The following PKHD1L1 variants were observed in gnomAD, a reference collection of about 807,000 sequenced individuals.
The protein encoded by PKHD1L1 is fibrocystin-L.
A neutral mutation model predicts 462.9 loss-of-function variants in PKHD1L1; 434 were observed. That is an observed-to-expected ratio of 0.94 (90% CI 0.87 to 1.02). The LOEUF is 1.02. Among genes scored for constraint, PKHD1L1 ranks in the 50% least tolerant of loss-of-function variants. The probability of loss-of-function intolerance (pLI) is 0.00; values close to 1 mark genes in which losing one functional copy is unlikely to be tolerated. For synonymous variants in PKHD1L1, 1,781 were observed against 1,750.0 expected (o/e 1.02, Z -0.44); for missense variants, 5,202 against 5,096.1 (o/e 1.02, Z -0.63).
At chr8:109,375,971 C>A (rs761398562) in intron 2 of PKHD1L1, among the ~76,000 whole-genome samples, 66 of 152,236 alleles carry the variant, frequency 4.3e-4, no homozygotes, top group Non-Finnish European at 9.1e-4. Flanking sequence ...AGGAGGCAGT[C>A]TGCCCATTCT....
At position 109,420,670 on chromosome 8, in the gene PKHD1L1, A is replaced by T. The variant is rs1814415587; in HGVS notation, c.2677A>T (p.Met893Leu). The T allele has an allele frequency of 2.5e-6, 4 of 1,585,872 alleles. No individual in the cohort carries two copies. In the South Asian group the frequency reaches 4.7e-5, roughly 19 times the overall value. The change falls in exon 23 of 78, where the codon ATG becomes TTG. Residue 893 changes from methionine (M) to leucine (L), a missense_variant. Met to Leu is a conservative substitution (Grantham distance 15, BLOSUM62 2). Coordinates refer to ENST00000378402, the MANE Select transcript of PKHD1L1 (RefSeq NM_177531.6). ...SYNCSYNIPMMAVSFGQIITH... is the reference protein window; with the variant it reads ...SYNCSYNIPMLAVSFGQIITH... Reference sequence around the variant, plus strand: ...CAATTGCAGTTACAATATACCCATGATGGCTGTGAGCTTTGGGCAGGTAAG... The same window carrying T: ...CAATTGCAGTTACAATATACCCATGTTGGCTGTGAGCTTTGGGCAGGTAAG...
intron 70 of PKHD1L1, among the ~76,000 whole-genome samples, chr8:109,508,687 TCTCAGCCTG>T (rs1819824419): frequency 6.6e-6 from 1 of 152,156 alleles, no homozygotes. Flanking sequence ...CAAGCAGTAT[TCTCAGCCTG>T]CTCATGTTTT....
Position 109,497,115 on chromosome 8 carries a change from C to T in PKHD1L1, c.10477-35C>T, listed in dbSNP as rs200847816. ...ATTGTTTATTTTCTTTTATGATTGT[C>T]CTTAGTATTATGTAACCTGCAAATT... On this transcript the variant is annotated intron_variant, in intron 64 of 77. Coordinates refer to ENST00000378402, the MANE Select transcript of PKHD1L1 (RefSeq NM_177531.6). The T allele has an allele frequency of 1.7e-4, 279 of 1,612,698 alleles. 1 individual carries two copies. The African/African-American group carries it at 2.3e-3, about 14-fold the overall frequency.
At chr8:109,416,051 A>G (rs931566324) in intron 21 of PKHD1L1, among the ~76,000 whole-genome samples, 6 of 152,098 alleles carry the variant, frequency 3.9e-5, no homozygotes, top group African/African-American at 1.4e-4. Flanking sequence ...GCAACTGTAG[A>G]CCAAGTTTAA....
intron 73 of PKHD1L1, among the ~76,000 whole-genome samples, chr8:109,520,164 G>T (rs1457321109): frequency 6.6e-6 from 1 of 152,058 alleles, no homozygotes; most frequent in Non-Finnish European, 1.5e-5. Flanking sequence ...GTTGCAACCA[G>T]ATCTCCCACG....
chr8:109,435,424 T>G, intron 29 of PKHD1L1, 70 bp downstream of exon 29: 1 of 1,507,660 alleles, frequency 6.6e-7, no homozygotes, highest in Non-Finnish European at 9.0e-7. Context: ...CTGTTTCTAG[T>G]ACAGGGTGAA....
chr8:109,408,229 C>T, intron 18 of PKHD1L1, 23 bp downstream of exon 18: 1 of 1,599,100 alleles, frequency 6.3e-7, no homozygotes, highest in Non-Finnish European at 8.5e-7. Context: ...AATGTTTCTA[C>T]CACGCATTTT....
At chr8:109,413,892 C>T (rs1056837860) in intron 21 of PKHD1L1, among the ~76,000 whole-genome samples, 1 of 151,804 alleles carries the variant, frequency 6.6e-6, no homozygotes, top group African/African-American at 2.4e-5. Flanking sequence ...AAGAGACAGG[C>T]TTATCACAAT....
chr8:109,394,318 T>C (rs945489321), intron 9 of PKHD1L1, 97 bp from the exon 10 acceptor site: 3 of 719,032 alleles, frequency 4.2e-6, no homozygotes, highest in Non-Finnish European at 6.6e-6. Flanking sequence ...CATCGTGCTC[T>C]TTTGCAGATT....
intron 38 of PKHD1L1, among the ~76,000 whole-genome samples, chr8:109,447,252 A>G (rs1222479263): frequency 2.0e-5 from 3 of 152,030 alleles, no homozygotes; most frequent in African/African-American, 7.2e-5. Context: ...AACAAACAAA[A>G]ACTTTCCTAA....
intron 70 of PKHD1L1, among the ~76,000 whole-genome samples, chr8:109,509,787 C>A (rs1234911239): frequency 6.6e-6 from 1 of 151,828 alleles, no homozygotes; most frequent in African/African-American, 2.4e-5. Context: ...AATACATGAA[C>A]TTTAGAAGTT....
Position 109,454,762 on chromosome 8 carries a change from A to G in PKHD1L1, c.6784A>G (p.Ile2262Val). The change falls in exon 45 of 78, where the codon ATT (isoleucine) becomes GTT (valine). Residue 2262 changes from isoleucine (I) to valine (V), a missense_variant. Transcript: ENST00000378402. The stretch of plus-strand genomic sequence containing the variant: ...ATCCCCATTCCAACACAAGGCTGTC[A>G]TTACCTTGCATGGTCACCTGCGATC... ...ETSPFQHKAVITLHGHLRSPE... is the reference protein window; with the variant it reads ...ETSPFQHKAVVTLHGHLRSPE... The G allele has an allele frequency of 6.2e-7, 1 of 1,613,820 alleles. No individual in the cohort carries two copies. The highest frequency in any genetic ancestry group is 8.5e-7 in the Non-Finnish European group (1 of 1,179,796).
At chr8:109,488,109 A>G (rs1437479176) in intron 59 of PKHD1L1, among the ~76,000 whole-genome samples, 1 of 152,082 alleles carries the variant, frequency 6.6e-6, no homozygotes, top group African/African-American at 2.4e-5. Flanking sequence ...CTTCTCATTT[A>G]TAATAAAGAA....
chr8:109,405,909 G>A lies in PKHD1L1; in HGVS notation c.1670-426G>A, dbSNP rs143145821. On this transcript the variant is annotated intron_variant, in intron 16 of 77. Coordinates refer to ENST00000378402, the MANE Select transcript of PKHD1L1 (RefSeq NM_177531.6). ...TTCATCATTGCACAGAAGTAAACAT[G>A]TCTTTCAATTTTTTAAATTAAATGA... Among the ~76,000 whole-genome samples, 986 of 152,168 alleles carry A rather than the reference G, an allele frequency of 6.5e-3. 7 individuals are homozygous for A. The highest frequency in any genetic ancestry group is 0.051 in the Middle Eastern group (15 of 294).
chr8:109,382,660 C>A, intron 4 of PKHD1L1, 89 bp downstream of exon 4: 2 of 910,756 alleles, frequency 2.2e-6, no homozygotes, highest in Non-Finnish European at 3.2e-6. Flanking sequence ...GTTTTATAGA[C>A]TATTTCCACA....
rs1229321436 is a variant in PKHD1L1 at position 109,388,507 on chromosome 8, G to A, written c.580G>A (p.Gly194Arg). The A allele has an allele frequency of 2.6e-6, 4 of 1,513,468 alleles. No homozygotes were observed. The highest frequency in any genetic ancestry group is 2.7e-6 in the Non-Finnish European group (3 of 1,114,502). 93.8% of individuals were successfully genotyped at this position (1,513,468 alleles called of 1,614,324 possible). Residue 194 changes from glycine (G) to arginine (R), a missense_variant, in exon 7 of 78, where the codon GGA (glycine) becomes AGA (arginine). Coordinates refer to ENST00000378402, the MANE Select transcript of PKHD1L1 (RefSeq NM_177531.6). Reference protein sequence around the residue: ...KNVRILRVYIGGMPCELLIPQ... With the variant: ...KNVRILRVYIRGMPCELLIPQ... ...AAAATATTTGTACAGAGTTTACATTGGAGGAATGCCCTGTGAGCTTCTCAT... is the reference window on the plus strand; with the variant it reads ...AAAATATTTGTACAGAGTTTACATTAGAGGAATGCCCTGTGAGCTTCTCAT...
chr8:109,480,134 C>G lies in PKHD1L1; in HGVS notation c.9322C>G (p.Leu3108Val). The change falls in exon 55 of 78, where the codon CTG becomes GTG. Residue 3108 changes from leucine (L) to valine (V), a missense_variant. Physicochemically the swap from Leu to Val is conservative, Grantham distance 32. Coordinates refer to ENST00000378402, the MANE Select transcript of PKHD1L1 (RefSeq NM_177531.6). ...EVVLNATYIS[L>V]QGGRLIGGWE... ...TGTTTTGAATGCTACCTACATATCA[C>G]TGCAGGTAAGAGTGAGGGCCTTGTA... 6.4e-7 allele frequency: 1 copy of G among 1,562,366 alleles called. No homozygotes were observed. Among genetic ancestry groups the G allele is most frequent in the Non-Finnish European group, 8.7e-7 (1 of 1,154,978 alleles).
chr8:109,371,073 C>A (rs1053540594), intron 2 of PKHD1L1, among the ~76,000 whole-genome samples: 1 of 152,194 alleles, frequency 6.6e-6, no homozygotes, highest in East Asian at 1.9e-4. Context: ...CCTGAGGAAT[C>A]GCCACACTGA....
Position 109,481,398 on chromosome 8 carries a change from T to G in PKHD1L1, c.9328-35T>G, listed in dbSNP as rs187550420. ...TGGGTGGATTTTTTTTCCTGGTCAA[T>G]TTTTAAGTATTAACAATTTTCTGCT... On this transcript the variant is annotated intron_variant, in intron 55 of 77. Transcript: ENST00000378402. The G allele has an allele frequency of 2.6e-6, 4 of 1,531,452 alleles. No homozygotes were observed. The Admixed American group carries it at 6.6e-5, about 25-fold the overall frequency. The allele number at this position is 1,531,452 out of a possible 1,614,324, so 94.9% of individuals were successfully genotyped here. A position where few individuals can be genotyped will look rare whatever the true frequency, so the allele number is the denominator to read the frequency against.
Sources: allele counts gnomAD v4.1 joint callset (sites outside exome capture counted in the v4.1 genomes callset), GRCh38; gene constraint gnomAD v4.1.1; transcripts MANE v1.5; gene names NCBI Gene and HGNC (gene_info 2026-07-23, HGNC 2026-07-21).